Variants in TMPRSS11A observed in about 807,000 individuals in gnomAD.
The protein encoded by TMPRSS11A is transmembrane protease serine 11A.
In TMPRSS11A, 53 loss-of-function variants were observed where a neutral mutation model predicts 58.9. The observed-to-expected ratio is 0.90, with a 90% confidence interval of 0.72 to 1.13. The LOEUF is 1.13. Among genes scored for constraint, TMPRSS11A ranks in the 50% most tolerant of loss-of-function variants. TMPRSS11A has a pLI of 0.00. For synonymous variants in TMPRSS11A, 167 were observed against 169.8 expected, an observed-to-expected ratio of 0.98 and a Z score of 0.13; for missense variants, 493 against 499.3, an observed-to-expected ratio of 0.99 and a Z score of 0.12.
chr4:67,938,155 G>A (rs1720796656), intron 3 of TMPRSS11A, among the ~76,000 whole-genome samples: 1 of 152,184 alleles, frequency 6.6e-6, no homozygotes. Flanking sequence ...GATAATTAGT[G>A]ATGTGGAGCA....
chr4:67,948,251 C>T (rs2109764439), intron 1 of TMPRSS11A, among the ~76,000 whole-genome samples: 1 of 150,002 alleles, frequency 6.7e-6, no homozygotes, highest in African/African-American at 2.5e-5. Context: ...CTCTGCCTCC[C>T]AGGTTCACGC....
chr4:67,950,495 T>A (rs1466103101), intron 1 of TMPRSS11A, among the ~76,000 whole-genome samples: 2 of 152,242 alleles, frequency 1.3e-5, no homozygotes, highest in Admixed American at 6.5e-5. Context: ...TACTCTCCCA[T>A]CTTCAAGCCA....
In TMPRSS11A at chr4:67,937,537, C is replaced by T. The variant is rs77758667; in HGVS notation, c.253-5477G>A. Reference sequence around the variant, plus strand: ...CTGTCTTAGCTGAGTCCCTTCCTGACAGTAGAACAATTTAGTGGAAAGAGC... The same window carrying T: ...CTGTCTTAGCTGAGTCCCTTCCTGATAGTAGAACAATTTAGTGGAAAGAGC... On this transcript the variant is annotated intron_variant, in intron 3 of 9. Transcript: ENST00000508048. 5.6e-4 allele frequency among the ~76,000 whole-genome samples: 85 copies of T among 152,238 alleles called. 1 individual carries two copies. Among genetic ancestry groups the T allele is most frequent in the South Asian group, 2.7e-3 (13 of 4,828 alleles).
chr4:67,919,580 C>T (rs1720263641), intron 7 of TMPRSS11A, among the ~76,000 whole-genome samples: 1 of 152,058 alleles, frequency 6.6e-6, no homozygotes, highest in South Asian at 2.1e-4. Flanking sequence ...CCTAAGGTGC[C>T]TGCTCACAGG....
intron 7 of TMPRSS11A, 30 bp downstream of exon 7, chr4:67,922,725 G>A (rs746175323): frequency 3.2e-6 from 5 of 1,585,146 alleles, no homozygotes; most frequent in Non-Finnish European, 4.3e-6. Context: ...TTTAGCAGAA[G>A]TGGGTTCTAA....
chr4:67,927,700 C>G (rs1227985379), intron 5 of TMPRSS11A, among the ~76,000 whole-genome samples: 5 of 152,194 alleles, frequency 3.3e-5, no homozygotes, highest in Non-Finnish European at 5.9e-5. Context: ...AAGCAACACC[C>G]CCTAGGCTCC....
chr4:67,929,224 A>G (rs1720548301), intron 5 of TMPRSS11A, among the ~76,000 whole-genome samples: 1 of 152,220 alleles, frequency 6.6e-6, no homozygotes, highest in Admixed American at 6.5e-5. Flanking sequence ...TTAGTTACTT[A>G]AGGTAAAGGC....
At chr4:67,944,844 C>A (rs942806951) in intron 2 of TMPRSS11A, among the ~76,000 whole-genome samples, 5 of 152,140 alleles carry the variant, frequency 3.3e-5, no homozygotes, top group Admixed American at 1.3e-4. Flanking sequence ...CTGTCCTGTG[C>A]ACTTTTTATG....
At chr4:67,930,846 CTG>C (rs1478222332) in intron 4 of TMPRSS11A, among the ~76,000 whole-genome samples, 2 of 42,958 alleles carry the variant, frequency 4.7e-5, no homozygotes, top group African/African-American at 2.2e-4. Flanking sequence ...AAAAAAAAAA[CTG>C]TGAAAAACTC....
chr4:67,922,963 T>A, intron 6 of TMPRSS11A, 37 bp from the exon 7 acceptor site: 2 of 1,603,812 alleles, frequency 1.2e-6, no homozygotes, highest in Non-Finnish European at 1.7e-6. Flanking sequence ...ATAAGAAACA[T>A]CTTGTAATTA....
At chr4:67,917,300 AT>A (rs1720185094) in intron 8 of TMPRSS11A, among the ~76,000 whole-genome samples, 1 of 151,882 alleles carries the variant, frequency 6.6e-6, no homozygotes, top group African/African-American at 2.4e-5. Context: ...GCATATATTT[AT>A]ATATTTTTGT....
chr4:67,945,066 C>G (rs1720970011), intron 2 of TMPRSS11A, among the ~76,000 whole-genome samples: 1 of 152,098 alleles, frequency 6.6e-6, no homozygotes, highest in Non-Finnish European at 1.5e-5. Flanking sequence ...ATCATACACT[C>G]TAGTGGAAGT....
chr4:67,952,120 G>T (rs1255549160), intron 1 of TMPRSS11A, among the ~76,000 whole-genome samples: 1 of 152,206 alleles, frequency 6.6e-6, no homozygotes, highest in Non-Finnish European at 1.5e-5. Context: ...TGACTTTGTA[G>T]GGATTGTTGA....
chr4:67,931,892 A>G, intron 4 of TMPRSS11A, 101 bp downstream of exon 4: 1 of 706,348 alleles, frequency 1.4e-6, no homozygotes, highest in East Asian at 2.5e-5. Context: ...ATTCTAGCCA[A>G]AAGCCTAGTC....
chr4:67,937,772 A>C (rs1348421092), intron 3 of TMPRSS11A, among the ~76,000 whole-genome samples: 1 of 152,082 alleles, frequency 6.6e-6, no homozygotes, highest in African/African-American at 2.4e-5. Flanking sequence ...ATATATATAC[A>C]TATATATCTC....
chr4:67,944,716 A>G, intron 2 of TMPRSS11A, 79 bp from the exon 3 acceptor site: 1 of 1,146,634 alleles, frequency 8.7e-7, no homozygotes, highest in Non-Finnish European at 1.3e-6. Flanking sequence ...GGCCAATATA[A>G]ATCTTGAATA....
In TMPRSS11A at chr4:67,919,071, G is replaced by A. The variant is rs757090282; in HGVS notation, c.854C>T (p.Ser285Leu). 62 of 1,614,024 alleles carry A rather than the reference G, an allele frequency of 3.8e-5. No homozygotes were observed. The highest frequency in any genetic ancestry group is 4.6e-5 in the Non-Finnish European group (54 of 1,180,020). The change falls in exon 8 of 10, where the codon TCG (serine) becomes TTG (leucine). Residue 285 changes from serine (S) to leucine (L), a missense_variant. Transcript: ENST00000508048. ...VVQVSSRVTF[S>L]DDIRQICLPE... Reference sequence around the variant, plus strand: ...CAAACAAATCTGGCGTATGTCATCCGAAAAGGTGACTCTGGAAGAGACCTG... The same window carrying A: ...CAAACAAATCTGGCGTATGTCATCCAAAAAGGTGACTCTGGAAGAGACCTG...
At position 67,914,622 on chromosome 4, in the gene TMPRSS11A, G is replaced by C. The variant is rs913779965; in HGVS notation, c.1061C>G (p.Ala354Gly). 5.6e-6 allele frequency: 9 copies of C among 1,613,178 alleles called. No homozygotes were observed. The African/African-American group carries it at 1.1e-4, about 19-fold the overall frequency. Residue 354 changes from alanine (A) to glycine (G), a missense_variant, in exon 9 of 10, where the codon GCC becomes GGC. Ala to Gly is a moderately conservative substitution (Grantham distance 60). Coordinates refer to ENST00000508048, the MANE Select transcript of TMPRSS11A (RefSeq NM_001114387.2). The stretch of plus-strand genomic sequence containing the variant: ...ATCATAAATTCCTTCCATATATCCG[G>C]CACAGAACATTCCAGGTTTTATATC... ...GNDIKPGMFCAGYMEGIYDAC... is the reference protein window; with the variant it reads ...GNDIKPGMFCGGYMEGIYDAC...
intron 3 of TMPRSS11A, among the ~76,000 whole-genome samples, chr4:67,935,094 A>G (rs528903115): frequency 1.3e-5 from 2 of 152,256 alleles, no homozygotes; most frequent in East Asian, 3.9e-4. Flanking sequence ...TATAAGAGGG[A>G]TTTTTAAAAG....
Sources: gnomAD v4.1 joint callset for allele counts (sites outside exome capture counted in the v4.1 genomes callset) on GRCh38, gnomAD v4.1.1 for gene constraint, MANE v1.5 for transcripts, NCBI Gene and HGNC (gene_info 2026-07-23, HGNC 2026-07-21) for gene names.